The following PCDHA7 variants were observed in gnomAD, a reference collection of about 807,000 sequenced individuals.
The protein encoded by PCDHA7 is protocadherin alpha 7.
Under a neutral mutation model 57.2 loss-of-function variants are expected in PCDHA7, and 37 were observed. The observed-to-expected ratio is 0.65, with a 90% confidence interval of 0.50 to 0.85. PCDHA7 has a LOEUF of 0.85. PCDHA7 is among the 40% of genes least tolerant of loss of function. The pLI is 0.00. For synonymous variants in PCDHA7, 553 were observed against 558.8 expected (o/e 0.99, Z 0.15); for missense variants, 1,188 against 1,241.8 (o/e 0.96, Z 0.65).
At chr5:140,949,181 A>G (rs2094350223) in intron 1 of PCDHA7, among the ~76,000 whole-genome samples, 2 of 151,604 alleles carry the variant, frequency 1.3e-5, no homozygotes, top group Non-Finnish European at 3.0e-5. Context: ...CAGAGAACAT[A>G]CTCTGCATGA....
At chr5:140,873,631 A>G (rs2054392579) in intron 1 of PCDHA7, among the ~76,000 whole-genome samples, 1 of 152,222 alleles carries the variant, frequency 6.6e-6, no homozygotes, top group Non-Finnish European at 1.5e-5. Flanking sequence ...TTTAGGTCAA[A>G]GAGTATGTGA....
At chr5:140,927,721 C>G in intron 1 of PCDHA7, 1 of 1,614,204 alleles carries the variant, frequency 6.2e-7, no homozygotes, top group Non-Finnish European at 8.5e-7. Flanking sequence ...CAACAGCACG[C>G]AAGCAGAGCT....
At chr5:140,887,544 CATGG>C (rs2061491541) in intron 1 of PCDHA7, among the ~76,000 whole-genome samples, 2 of 152,098 alleles carry the variant, frequency 1.3e-5, no homozygotes, top group Non-Finnish European at 2.9e-5. Context: ...CCCCACCCCT[CATGG>C]TTACTGTTAA....
intron 1 of PCDHA7, among the ~76,000 whole-genome samples, chr5:140,949,115 T>G (rs2094346093): frequency 6.6e-6 from 1 of 151,756 alleles, no homozygotes; most frequent in African/African-American, 2.4e-5. Context: ...TACAAATATT[T>G]TTGGTTTTCC....
chr5:140,851,678 C>T, intron 1 of PCDHA7: 1 of 917,638 alleles, frequency 1.1e-6, no homozygotes, highest in Non-Finnish European at 1.3e-6. Context: ...GAAATTTTCT[C>T]CATTCAGTGA....
chr5:140,900,644 C>G (rs1554189317), intron 1 of PCDHA7, among the ~76,000 whole-genome samples: 1 of 152,180 alleles, frequency 6.6e-6, no homozygotes. Context: ...ATTGTGAACA[C>G]TGCTGCAATG....
chr5:141,006,126 G>T (rs1554260581), intron 3 of PCDHA7, among the ~76,000 whole-genome samples: 1 of 151,330 alleles, frequency 6.6e-6, no homozygotes. Flanking sequence ...TTTTCTCAAG[G>T]CAGTAGAAAG....
At chr5:140,960,629 A>C (rs1370416431) in intron 1 of PCDHA7, among the ~76,000 whole-genome samples, 1 of 152,192 alleles carries the variant, frequency 6.6e-6, no homozygotes, top group Admixed American at 6.5e-5. Flanking sequence ...TTTGAAATAT[A>C]TTTTTAAAAC....
At chr5:140,837,780 G>A (rs1024402142) in intron 1 of PCDHA7, among the ~76,000 whole-genome samples, 3 of 151,682 alleles carry the variant, frequency 2.0e-5, no homozygotes, top group Admixed American at 6.6e-5. Context: ...GGGCTCACAG[G>A]ATCCTCCCAT....
intron 1 of PCDHA7, among the ~76,000 whole-genome samples, chr5:140,931,986 C>G (rs562622204): frequency 2.0e-4 from 30 of 151,912 alleles, no homozygotes; most frequent in African/African-American, 7.0e-4. Flanking sequence ...ATATTTTGCT[C>G]AAATTCTAAG....
intron 3 of PCDHA7, among the ~76,000 whole-genome samples, chr5:140,995,361 G>C (rs567350687): frequency 1.1e-3 from 168 of 152,090 alleles, no homozygotes; most frequent in African/African-American, 3.4e-3. Flanking sequence ...TCGGACAGAG[G>C]GATGATTCAC....
chr5:140,963,207 CCT>C (rs1246984290), intron 1 of PCDHA7, among the ~76,000 whole-genome samples: 4 of 148,438 alleles, frequency 2.7e-5, no homozygotes, highest in East Asian at 1.9e-4. Flanking sequence ...AAAAAAAAAA[CCT>C]CGTGTTTAGA....
At chr5:141,008,352 A>C (rs549122044) in intron 3 of PCDHA7, among the ~76,000 whole-genome samples, 2 of 152,322 alleles carry the variant, frequency 1.3e-5, no homozygotes, top group South Asian at 4.1e-4. Flanking sequence ...TTCACGTGTC[A>C]ACCAAAGGAG....
rs782248969 is a variant in PCDHA7 at position 140,927,466 on chromosome 5, G to A, written c.2356-51483G>A. 67 of 1,614,044 alleles carry A rather than the reference G, an allele frequency of 4.2e-5. No homozygotes were observed. Among genetic ancestry groups the A allele is most frequent in the Non-Finnish European group, 5.4e-5 (64 of 1,180,052 alleles). Reference sequence around the variant, plus strand: ...GGAGTTGGTGTTGGAGAAAGCACTGGATCGCGAACAGCGCGCCACCCACCT... The same window carrying A: ...GGAGTTGGTGTTGGAGAAAGCACTGAATCGCGAACAGCGCGCCACCCACCT... On this transcript the variant is annotated intron_variant, in intron 1 of 3. Coordinates refer to ENST00000525929, the MANE Select transcript of PCDHA7 (RefSeq NM_018910.3).
At chr5:140,863,561 A>G (rs1581693390) in intron 1 of PCDHA7, 1 of 376,820 alleles carries the variant, frequency 2.7e-6, no homozygotes. Flanking sequence ...GAAATTTTTG[A>G]GAATATAAGT....
intron 1 of PCDHA7, among the ~76,000 whole-genome samples, chr5:140,946,691 G>C (rs782114019): frequency 6.8e-6 from 1 of 147,578 alleles, no homozygotes; most frequent in Non-Finnish European, 1.5e-5. Flanking sequence ...TGACAATATG[G>C]ATGAATCTGG....
intron 1 of PCDHA7, among the ~76,000 whole-genome samples, chr5:140,905,599 G>A (rs782355615): frequency 2.0e-5 from 3 of 152,096 alleles, no homozygotes; most frequent in Non-Finnish European, 2.9e-5. Context: ...GCTGGGAATT[G>A]CATTGAATCT....
intron 1 of PCDHA7, chr5:140,967,578 C>T (rs868970551): frequency 1.9e-6 from 3 of 1,614,000 alleles, no homozygotes; most frequent in Non-Finnish European, 2.5e-6. Flanking sequence ...GAGGACTCAC[C>T]CCCAGGCACA....
intron 1 of PCDHA7, among the ~76,000 whole-genome samples, chr5:140,940,287 C>T (rs190568424): frequency 6.6e-6 from 1 of 152,272 alleles, no homozygotes; most frequent in East Asian, 1.9e-4. Context: ...CATTGTGCTG[C>T]TTCATCAGTA....
Sources: gnomAD v4.1 joint callset for allele counts (sites outside exome capture counted in the v4.1 genomes callset) on GRCh38, gnomAD v4.1.1 for gene constraint, MANE v1.5 for transcripts, NCBI Gene and HGNC (gene_info 2026-07-23, HGNC 2026-07-21) for gene names.